CLEC16A: variants seen among roughly 807,000 people sequenced by gnomAD.
CLEC16A encodes protein CLEC16A.
A neutral mutation model predicts 109.5 loss-of-function variants in CLEC16A; 51 were observed. That is an observed-to-expected ratio of 0.47 (90% CI 0.37 to 0.59). The LOEUF (loss-of-function observed/expected upper bound fraction) is 0.59, where lower values mean the gene tolerates loss of function less well. CLEC16A is among the 20% of genes least tolerant of loss of function. The pLI, the probability that CLEC16A is intolerant of heterozygous loss-of-function variation, is 0.00. For synonymous variants in CLEC16A, 673 were observed against 564.2 expected (o/e 1.19, Z -2.73); for missense variants, 1,339 against 1,394.0 (o/e 0.96, Z 0.63).
chr16:11,044,122 C>T (rs559480672), intron 16 of CLEC16A, 50 bp downstream of exon 16: 2 of 1,516,316 alleles, frequency 1.3e-6, no homozygotes, highest in Admixed American at 3.8e-5. Flanking sequence ...ATTGTAGAAA[C>T]AGAAGTGTGG....
intron 3 of CLEC16A, among the ~76,000 whole-genome samples, chr16:10,967,590 G>C (rs1451941878): frequency 6.6e-6 from 1 of 152,180 alleles, no homozygotes; most frequent in Non-Finnish European, 1.5e-5. Context: ...AAGAATGGCA[G>C]TTAACATTAT....
intron 13 of CLEC16A, among the ~76,000 whole-genome samples, chr16:11,036,959 CATA>C (rs1289053167): frequency 1.3e-5 from 2 of 152,210 alleles, no homozygotes; most frequent in Non-Finnish European, 2.9e-5. Context: ...CCCATTTGTG[CATA>C]ATAATGAGAG....
intron 7 of CLEC16A, among the ~76,000 whole-genome samples, chr16:10,974,464 G>T (rs374305464): frequency 6.6e-6 from 1 of 152,128 alleles, no homozygotes; most frequent in Admixed American, 6.5e-5. Context: ...ACCATTGTTG[G>T]GGGGGCTGTC....
chr16:11,175,524 A>G (rs27835), intron 23 of CLEC16A, among the ~76,000 whole-genome samples: 5,043 of 152,284 alleles, frequency 0.033, 273 homozygotes, highest in African/African-American at 0.11. Flanking sequence ...TTTCCCCCCA[A>G]TGAAAACCTG....
At chr16:11,019,468 A>G (rs2045963568) in intron 11 of CLEC16A, among the ~76,000 whole-genome samples, 1 of 152,228 alleles carries the variant, frequency 6.6e-6, no homozygotes, top group South Asian at 2.1e-4. Flanking sequence ...GCTTTCTATT[A>G]AAAATGTAAG....
chr16:11,094,358 G>C (rs1250867228), intron 19 of CLEC16A, among the ~76,000 whole-genome samples: 2 of 152,192 alleles, frequency 1.3e-5, no homozygotes, highest in Admixed American at 6.5e-5. Context: ...CCAGCCCTAA[G>C]GTGTGATTGC....
chr16:10,975,067 G>A (rs1436328558), intron 7 of CLEC16A, among the ~76,000 whole-genome samples: 1 of 152,208 alleles, frequency 6.6e-6, no homozygotes, highest in Non-Finnish European at 1.5e-5. Context: ...GGAGGGCTGG[G>A]TGCGGTGGCT....
intron 20 of CLEC16A, among the ~76,000 whole-genome samples, chr16:11,121,563 T>G (rs942165343): frequency 2.6e-5 from 4 of 151,970 alleles, no homozygotes; most frequent in South Asian, 2.1e-4. Context: ...GGGGATTTTT[T>G]GGGTTTTTTT....
chr16:10,965,215 C>A (rs1446668318), intron 3 of CLEC16A, among the ~76,000 whole-genome samples: 1 of 152,178 alleles, frequency 6.6e-6, no homozygotes, highest in African/African-American at 2.4e-5. Flanking sequence ...GCTTTATAGC[C>A]CCTTCACCAC....
intron 11 of CLEC16A, among the ~76,000 whole-genome samples, chr16:11,004,797 A>G (rs1428357295): frequency 6.6e-6 from 1 of 151,664 alleles, no homozygotes; most frequent in African/African-American, 2.4e-5. Context: ...TGAGATCTCC[A>G]GCCTCCTCTT....
rs1436326938 is a variant in CLEC16A, at chr16:11,027,756, C to G, written c.1537+2835C>G. ...ACGCATCAATCAGCTCATCCGCCAG[C>G]TGAACTAGACCCAGGTGCCAAACTG... On this transcript the variant is annotated intron_variant, in intron 13 of 23. Transcript: ENST00000409790. 3.5e-5 allele frequency: 51 copies of G among 1,437,812 alleles called. No homozygotes were observed. The Admixed American group carries it at 3.8e-4, about 11-fold the overall frequency. The allele number at this position is 1,437,812 out of a possible 1,614,324, so 89.1% of individuals were successfully genotyped here.
In CLEC16A at chr16:10,971,202, A is replaced by G. The variant is rs1311133111; in HGVS notation, c.570A>G (p.Val190=). 16 of 1,613,236 alleles carry G rather than the reference A, an allele frequency of 9.9e-6. No individual in the cohort carries two copies. The highest frequency in any genetic ancestry group is 1.1e-5 in the South Asian group (1 of 91,028). ...NHPESMVRIA[V]RTITLNVYKV... The stretch of plus-strand genomic sequence containing the variant: ...CTGAAAGCATGGTTAGAATTGCTGT[A>G]AGAACCATAACTTTGAATGTCTATA... Residue 190 remains valine, a synonymous_variant, in exon 5 of 24, where the codon GTA becomes GTG. Transcript: ENST00000409790.
chr16:11,039,369 T>C (rs1296788144), intron 13 of CLEC16A, among the ~76,000 whole-genome samples: 1 of 152,226 alleles, frequency 6.6e-6, no homozygotes, highest in Non-Finnish European at 1.5e-5. Flanking sequence ...TGATTTCCTA[T>C]TTATAAGAAA....
intron 19 of CLEC16A, chr16:11,066,386 T>TCC (rs1567269711): frequency 6.5e-6 from 1 of 152,688 alleles, no homozygotes; most frequent in African/African-American, 2.4e-5. Flanking sequence ...CTTGGGGCAG[T>TCC]CCAGGGGGCA....
At chr16:11,150,289 C>A (rs984825221) in intron 22 of CLEC16A, 1 of 152,170 alleles carries the variant, frequency 6.6e-6, no homozygotes, top group Non-Finnish European at 1.5e-5. Flanking sequence ...GTTTGGGCTT[C>A]CCTTAAATAA....
chr16:11,091,139 A>G (rs977637127), intron 19 of CLEC16A, among the ~76,000 whole-genome samples: 5 of 152,128 alleles, frequency 3.3e-5, no homozygotes, highest in African/African-American at 1.2e-4. Flanking sequence ...CTTTCTCCAT[A>G]AAGACGTGAG....
chr16:11,002,609 C>T (rs1317814034), intron 10 of CLEC16A, among the ~76,000 whole-genome samples: 1 of 152,108 alleles, frequency 6.6e-6, no homozygotes, highest in Non-Finnish European at 1.5e-5. Context: ...GAGTAATGCG[C>T]ACTGGACCCA....
chr16:11,137,983 G>A (rs920526883), intron 22 of CLEC16A, among the ~76,000 whole-genome samples: 27 of 152,292 alleles, frequency 1.8e-4, no homozygotes, highest in Admixed American at 6.5e-4. Context: ...CCACGTGGCC[G>A]TTTCCTTCAT....
Position 11,024,848 on chromosome 16 carries a change from G to T in CLEC16A, c.1464G>T (p.Ala488=), listed in dbSNP as rs1239707469. The change falls in exon 13 of 24, where the codon GCG becomes GCT. Residue 488 remains alanine (A), a synonymous_variant. Transcript: ENST00000409790. The part of the protein sequence containing the change: ...SRPFLDMVYH[A]LDSPDDDYHA... ...CCTTCCTGGATATGGTGTACCACGC[G>T]CTGGACAGCCCGGATGATGATTACC... is the stretch of plus-strand genomic sequence containing the variant. The T allele has an allele frequency of 6.2e-7, 1 of 1,607,130 alleles. No individual in the cohort carries two copies. Among genetic ancestry groups the T allele is most frequent in the Non-Finnish European group, 8.5e-7 (1 of 1,176,768 alleles).
Sources: allele counts gnomAD v4.1 joint callset (sites outside exome capture counted in the v4.1 genomes callset), GRCh38; gene constraint gnomAD v4.1.1; transcripts MANE v1.5; gene names NCBI Gene and HGNC (gene_info 2026-07-23, HGNC 2026-07-21).